The following KLHL22 variants were observed in gnomAD, a reference collection of about 807,000 sequenced individuals.
KLHL22 encodes the protein kelch like family member 22, also known as kelch-like protein 22.
Under a neutral mutation model 60.7 loss-of-function variants are expected in KLHL22, and 18 were observed. That is an observed-to-expected ratio of 0.30 (90% CI 0.20 to 0.44). KLHL22 has a LOEUF of 0.44. Ranked by LOEUF, KLHL22 falls within the 20% of genes least tolerant of loss-of-function variation. The probability of loss-of-function intolerance (pLI) is 1.00; values close to 1 mark genes in which losing one functional copy is unlikely to be tolerated. For synonymous variants in KLHL22, 355 were observed against 354.5 expected, an observed-to-expected ratio of 1.00 and a Z score of -0.01; for missense variants, 596 against 852.3, an observed-to-expected ratio of 0.70 and a Z score of 3.74.
rs1466318442 is a variant in KLHL22 at position 20,446,679 on chromosome 22, G to A, written c.1306-3C>T. 2 of 1,607,032 alleles carry A rather than the reference G, an allele frequency of 1.2e-6. No individual in the cohort carries two copies. Among genetic ancestry groups the A allele is most frequent in the African/African-American group, 1.3e-5 (1 of 74,914 alleles). On this transcript the variant is annotated splice_polypyrimidine_tract_variant and splice_region_variant and intron_variant, in intron 5 of 6. Transcript: ENST00000328879. ...GTCGCGCCTGCGTGGGCATACACCTGTGTGGAGCCACCAGGAGAAATGGCG... is the reference window on the plus strand; with the variant it reads ...GTCGCGCCTGCGTGGGCATACACCTATGTGGAGCCACCAGGAGAAATGGCG...
intron 5 of KLHL22, among the ~76,000 whole-genome samples, chr22:20,447,734 G>C (rs1331681411): frequency 2.0e-5 from 3 of 151,994 alleles, no homozygotes; most frequent in East Asian, 1.9e-4. Flanking sequence ...ATAGAGACAG[G>C]GTTTCACCAT....
chr22:20,446,191 A>G (rs767488187), intron 6 of KLHL22, among the ~76,000 whole-genome samples: 24 of 152,244 alleles, frequency 1.6e-4, no homozygotes, highest in African/African-American at 2.7e-4. Flanking sequence ...TGATGCATCA[A>G]TGCAGTTTCA....
At chr22:20,443,544 T>G (rs933754447) in intron 6 of KLHL22, among the ~76,000 whole-genome samples, 10 of 151,074 alleles carry the variant, frequency 6.6e-5, no homozygotes, top group Admixed American at 3.3e-4. Flanking sequence ...ATCAAGACCA[T>G]CCTGGCCAAC....
chr22:20,488,893 A>T, intron 2 of KLHL22, 92 bp downstream of exon 2: 1 of 1,236,370 alleles, frequency 8.1e-7, no homozygotes, highest in South Asian at 1.4e-5. Flanking sequence ...TGAGGTGAGC[A>T]GGAGACCAGC....
intron 6 of KLHL22, among the ~76,000 whole-genome samples, chr22:20,444,553 T>A (rs2052823874): frequency 6.6e-6 from 1 of 152,146 alleles, no homozygotes; most frequent in South Asian, 2.1e-4. Context: ...TCCCAGGTGA[T>A]GCAGACTCTG....
chr22:20,447,546 T>TTTTC (rs983217532), intron 5 of KLHL22, among the ~76,000 whole-genome samples: 3 of 146,580 alleles, frequency 2.0e-5, no homozygotes, highest in East Asian at 2.1e-4. Flanking sequence ...AGGTTTTTCT[T>TTTTC]TTTTTTTTTT....
intron 2 of KLHL22, among the ~76,000 whole-genome samples, chr22:20,487,523 C>G (rs2053605849): frequency 6.6e-6 from 1 of 151,952 alleles, no homozygotes; most frequent in African/African-American, 2.4e-5. Flanking sequence ...TGACTGGCCT[C>G]TATTTCTTAT....
At chr22:20,482,747 ATT>A in intron 2 of KLHL22, 1 of 493,860 alleles carries the variant, frequency 2.0e-6, no homozygotes, top group Non-Finnish European at 3.5e-6. Context: ...TAATTTTTGT[ATT>A]TTTTTTTGAC....
chr22:20,472,652 G>T (rs2053346741), intron 2 of KLHL22, among the ~76,000 whole-genome samples: 1 of 151,528 alleles, frequency 6.6e-6, no homozygotes, highest in Admixed American at 6.6e-5. Context: ...CTTGAACCCG[G>T]GAGGCGGAGG....
rs535927584 is a variant in KLHL22, at chr22:20,488,534, TG to T, written c.227+450del. ...CCTCACACTGTGCCAAGTGCTGGGA[TG>T]GGGTCACGAAGGAGGCCATAAGAAA... On this transcript the variant is annotated intron_variant, in intron 2 of 6. Coordinates refer to ENST00000328879, the MANE Select transcript of KLHL22 (RefSeq NM_032775.4). The T allele has an allele frequency of 1.2e-3, 219 of 181,126 alleles. 1 individual carries two copies. Among genetic ancestry groups the T allele is most frequent in the Non-Finnish European group, 2.2e-3 (186 of 84,566 alleles). 11.2% of individuals were successfully genotyped at this position (181,126 alleles called of 1,614,324 possible).
intron 2 of KLHL22, among the ~76,000 whole-genome samples, chr22:20,478,004 T>C (rs961175722): frequency 6.6e-6 from 1 of 152,230 alleles, no homozygotes; most frequent in Admixed American, 6.5e-5. Flanking sequence ...TAACTTACTC[T>C]GAAGTGAATA....
intron 5 of KLHL22, chr22:20,450,559 G>A: frequency 6.2e-7 from 1 of 1,613,132 alleles, no homozygotes; most frequent in Non-Finnish European, 8.5e-7. Flanking sequence ...CCACAATTGT[G>A]TTGACCTGAC....
Position 20,457,997 on chromosome 22 carries a change from A to G in KLHL22, c.1116T>C (p.Tyr372=), listed in dbSNP as rs1404291812. Residue 372 remains tyrosine (Y), a synonymous_variant, in exon 5 of 7, where the codon TAT becomes TAC. Transcript: ENST00000328879. Reference sequence around the variant, plus strand: ...GGAACCAGCGGTTGTGCCGTGGGTCATACCTGTGCCGAGACATGAGGAAAG... The same window carrying G: ...GGAACCAGCGGTTGTGCCGTGGGTCGTACCTGTGCCGAGACATGAGGAAAG... ...GFRAESRCWR[Y]DPRHNRWFQI... The G allele has an allele frequency of 6.2e-7, 1 of 1,614,040 alleles. No homozygotes were observed. Among genetic ancestry groups the G allele is most frequent in the Admixed American group, 1.7e-5 (1 of 60,008 alleles).
At chr22:20,489,941 T>G in intron 1 of KLHL22, 1 of 376,224 alleles carries the variant, frequency 2.7e-6, no homozygotes, top group South Asian at 2.1e-5. Flanking sequence ...AAAGATTATC[T>G]TCTAATAATT....
chr22:20,482,429 G>C (rs1467662790), intron 2 of KLHL22, among the ~76,000 whole-genome samples: 1 of 152,060 alleles, frequency 6.6e-6, no homozygotes, highest in Non-Finnish European at 1.5e-5. Context: ...GTGTCACCCA[G>C]GCTGGAGTGC....
intron 5 of KLHL22, chr22:20,450,251 T>G (rs759649323): frequency 5.6e-6 from 5 of 900,842 alleles, no homozygotes; most frequent in Admixed American, 1.7e-5. Context: ...AGAAAGACTT[T>G]CCTGCCCATG....
At chr22:20,490,426 G>A (rs1353660836) in intron 1 of KLHL22, among the ~76,000 whole-genome samples, 1 of 152,108 alleles carries the variant, frequency 6.6e-6, no homozygotes, top group Non-Finnish European at 1.5e-5. Flanking sequence ...TGTTACTGTA[G>A]TTCTGAATGA....
chr22:20,472,877 G>A (rs2053350352), intron 2 of KLHL22, among the ~76,000 whole-genome samples: 1 of 152,186 alleles, frequency 6.6e-6, no homozygotes, highest in African/African-American at 2.4e-5. Flanking sequence ...GGATAAGGCT[G>A]AGAGGGTGTA....
At chr22:20,451,898 T>C (rs2146183664) in intron 5 of KLHL22, 3 of 1,354,216 alleles carry the variant, frequency 2.2e-6, no homozygotes, top group Middle Eastern at 2.6e-4. Flanking sequence ...GAATCCTTTC[T>C]AGAATGTCTG....
Sources: gnomAD v4.1 joint callset for allele counts (sites outside exome capture counted in the v4.1 genomes callset) on GRCh38, gnomAD v4.1.1 for gene constraint, MANE v1.5 for transcripts, NCBI Gene and HGNC (gene_info 2026-07-23, HGNC 2026-07-21) for gene names.